CLEC17A: variants seen among roughly 807,000 people sequenced by gnomAD.
CLEC17A encodes the protein C-type lectin domain containing 17A, also known as C-type lectin domain family 17, member A.
Under a neutral mutation model 61.3 loss-of-function variants are expected in CLEC17A, and 37 were observed. The observed-to-expected ratio is 0.60, with a 90% CI of 0.46 to 0.79. CLEC17A has a LOEUF of 0.79. Among genes scored for constraint, CLEC17A ranks in the 30% least tolerant of loss-of-function variants. The probability of loss-of-function intolerance (pLI) is 0.00; values close to 1 mark genes in which losing one functional copy is unlikely to be tolerated. For missense variants in CLEC17A, 418 were observed against 464.7 expected (o/e 0.90, Z 0.92); for synonymous variants, 168 against 164.9 (o/e 1.02, Z -0.14).
chr19:14,592,414 G>T (rs116460139), intron 4 of CLEC17A, 56 bp downstream of exon 4: 3 of 1,606,648 alleles, frequency 1.9e-6, no homozygotes, highest in Admixed American at 1.7e-5. Flanking sequence ...GGGTTTCCAG[G>T]AGGCATTGGC....
chr19:14,598,723 C>A (rs796963834), intron 10 of CLEC17A, among the ~76,000 whole-genome samples: 6 of 152,216 alleles, frequency 3.9e-5, no homozygotes, highest in African/African-American at 1.4e-4. Context: ...GACCCATCTG[C>A]GTCAGCCTCC....
intron 4 of CLEC17A, among the ~76,000 whole-genome samples, chr19:14,594,165 C>A (rs1472262262): frequency 6.6e-6 from 1 of 151,716 alleles, no homozygotes; most frequent in Non-Finnish European, 1.5e-5. Context: ...CGCCTGTAAT[C>A]CCAGCTGAGG....
intron 3 of CLEC17A, among the ~76,000 whole-genome samples, chr19:14,591,436 G>T (rs962249761): frequency 6.8e-6 from 1 of 147,218 alleles, no homozygotes; most frequent in Admixed American, 6.8e-5. Flanking sequence ...TTACAGGCGT[G>T]AGCCACCGCG....
At chr19:14,599,255 T>TTTTTGTA in intron 10 of CLEC17A, among the ~76,000 whole-genome samples, 1 of 151,772 alleles carries the variant, frequency 6.6e-6, no homozygotes, top group South Asian at 2.1e-4. Context: ...GCCCAACTAA[T>TTTTTGTA]TTTTGTATTT....
intron 12 of CLEC17A, among the ~76,000 whole-genome samples, chr19:14,604,083 A>G (rs961979955): frequency 7.2e-5 from 11 of 152,006 alleles, no homozygotes; most frequent in Admixed American, 3.3e-4. Context: ...TGCTCCTCCT[A>G]TCCCATTCTG....
At chr19:14,597,898 C>T (rs1003572192) in intron 10 of CLEC17A, among the ~76,000 whole-genome samples, 1 of 152,128 alleles carries the variant, frequency 6.6e-6, no homozygotes, top group African/African-American at 2.4e-5. Context: ...ACCTGTGTTT[C>T]TGTTTTGTCC....
chr19:14,594,733 TG>T (rs765200414), intron 6 of CLEC17A, 25 bp from the exon 7 acceptor site: 4 of 1,614,040 alleles, frequency 2.5e-6, no homozygotes, highest in Non-Finnish European at 3.4e-6. Flanking sequence ...AAGCCCTTCT[TG>T]AAATGACTTT....
chr19:14,592,159 C>T, intron 3 of CLEC17A, 122 bp from the exon 4 acceptor site: 1 of 1,306,570 alleles, frequency 7.7e-7, no homozygotes, highest in Admixed American at 2.4e-5. Context: ...GGCTGGGGCC[C>T]AGGTGTGGTC....
chr19:14,594,403 C>T (rs888097127), intron 4 of CLEC17A, 114 bp from the exon 5 acceptor site: 69 of 1,377,780 alleles, frequency 5.0e-5, no homozygotes, highest in Admixed American at 2.0e-4. Context: ...CGTCCAACCC[C>T]GTCTGTAACC....
At chr19:14,592,078 T>G (rs1051970866) in intron 3 of CLEC17A, among the ~76,000 whole-genome samples, 1 of 152,206 alleles carries the variant, frequency 6.6e-6, no homozygotes, top group African/African-American at 2.4e-5. Context: ...TGGTGTTAGC[T>G]GTAGCCATGC....
intron 2 of CLEC17A, among the ~76,000 whole-genome samples, chr19:14,583,898 A>G (rs905050544): frequency 5.3e-5 from 8 of 152,170 alleles, no homozygotes; most frequent in African/African-American, 7.2e-5. Flanking sequence ...CCCAAGGCAT[A>G]GCACAGGGTT....
chr19:14,584,254 C>T (rs1478313738), intron 2 of CLEC17A: 1 of 151,932 alleles, frequency 6.6e-6, no homozygotes, highest in Non-Finnish European at 1.5e-5. Flanking sequence ...CAGGGGACCA[C>T]CAGGTTGCCT....
Position 14,600,149 on chromosome 19 carries a change from T to C in CLEC17A, c.861T>C (p.Ser287=). 2.5e-6 allele frequency: 4 copies of C among 1,614,064 alleles called. No homozygotes were observed. The highest frequency in any genetic ancestry group is 3.4e-6 in the Non-Finnish European group (4 of 1,179,906). Residue 287 remains serine (S), a synonymous_variant, in exon 12 of 14, where the codon TCT becomes TCC. Coordinates refer to ENST00000417570, the MANE Select transcript of CLEC17A (RefSeq NM_001204118.2). ...EARMFCQENY[S]HLVIINSFAE... The stretch of plus-strand genomic sequence containing the variant: ...GGATGTTCTGCCAGGAGAATTACTC[T>C]CACTTGGTCATCATCAATAGCTTTG...
In CLEC17A at chr19:14,597,162, G is replaced by A. The variant is rs2074572128; in HGVS notation, c.646+1G>A. ...CAGCAGATGACGTGGCGAACAAATA[G>A]TGAGTGCTTTCAGTCATTCCTTCAT... On this transcript the variant is annotated splice_donor_variant, in intron 10 of 13. Transcript: ENST00000417570. LOFTEE classifies it high-confidence loss of function. 6.2e-6 allele frequency: 10 copies of A among 1,608,154 alleles called. No homozygotes were observed. Among genetic ancestry groups the A allele is most frequent in the Non-Finnish European group, 7.6e-6 (9 of 1,177,214 alleles).
intron 3 of CLEC17A, among the ~76,000 whole-genome samples, chr19:14,591,006 C>T (rs144485008): frequency 0.049 from 7,448 of 151,670 alleles, 268 homozygotes; most frequent in Non-Finnish European, 0.069. Context: ...CCTATTTCTG[C>T]GTCTCTTTAC....
intron 13 of CLEC17A, among the ~76,000 whole-genome samples, chr19:14,607,488 C>T (rs910857323): frequency 6.6e-6 from 1 of 151,666 alleles, no homozygotes; most frequent in Non-Finnish European, 1.5e-5. Flanking sequence ...CAGGCGTGAG[C>T]CACCGCGCCC....
At chr19:14,583,507 T>C in intron 2 of CLEC17A, 73 bp downstream of exon 2, 2 of 1,595,998 alleles carry the variant, frequency 1.3e-6, no homozygotes, top group Non-Finnish European at 1.7e-6. Flanking sequence ...TGGTTGGGCA[T>C]TGTAGACACA....
chr19:14,611,371 CTT>C lies in CLEC17A; in HGVS notation c.*1198_*1199del, dbSNP rs71166767. 0.059 allele frequency among the ~76,000 whole-genome samples: 4,509 copies of C among 76,068 alleles called. 239 individuals carry two copies. Among genetic ancestry groups the C allele is most frequent in the African/African-American group, 0.2 (4,129 of 20,692 alleles). The allele number at this position is 76,068 out of a possible 152,430, so 49.9% of individuals were successfully genotyped here. A position where few individuals can be genotyped will look rare whatever the true frequency, so the allele number is the denominator to read the frequency against. ...AGACTTGGCCCGTGGAACTTCTATCCTTTTTTTTTTTTTTTTTTTTTTTTGAG... is the reference window on the plus strand; with the variant it reads ...AGACTTGGCCCGTGGAACTTCTATCCTTTTTTTTTTTTTTTTTTTTTTGAG... On this transcript the variant is annotated 3_prime_UTR_variant, in exon 14 of 14. Coordinates refer to ENST00000417570, the MANE Select transcript of CLEC17A (RefSeq NM_001204118.2).
chr19:14,600,134 C>G lies in CLEC17A; in HGVS notation c.846C>G (p.Cys282Trp). The G allele has an allele frequency of 6.2e-7, 1 of 1,614,006 alleles. No homozygotes were observed. The highest frequency in any genetic ancestry group is 8.5e-7 in the Non-Finnish European group (1 of 1,179,886). The change falls in exon 12 of 14, where the codon TGC becomes TGG. Residue 282 changes from cysteine to tryptophan, a missense_variant. Coordinates refer to ENST00000417570, the MANE Select transcript of CLEC17A (RefSeq NM_001204118.2). ...CATGGGATGAGGCCCGGATGTTCTGCCAGGAGAATTACTCTCACTTGGTCA... is the reference window on the plus strand; with the variant it reads ...CATGGGATGAGGCCCGGATGTTCTGGCAGGAGAATTACTCTCACTTGGTCA... The part of the protein sequence containing the change: ...TKSWDEARMF[C>W]QENYSHLVII...
Sources: gnomAD v4.1 joint callset for allele counts (sites outside exome capture counted in the v4.1 genomes callset) on GRCh38, gnomAD v4.1.1 for gene constraint, MANE v1.5 for transcripts, NCBI Gene and HGNC (gene_info 2026-07-23, HGNC 2026-07-21) for gene names.